The following MSRB3 variants were observed in gnomAD, a reference collection of about 807,000 sequenced individuals.
MSRB3 encodes the protein methionine-R-sulfoxide reductase B3.
Under a neutral mutation model 21.0 loss-of-function variants are expected in MSRB3, and 13 were observed. The ratio of observed to expected loss-of-function variants is 0.62; its 90% CI spans 0.40 to 0.98. The LOEUF (loss-of-function observed/expected upper bound fraction) is 0.98. Among genes scored for constraint, MSRB3 ranks in the 50% least tolerant of loss-of-function variants. The probability of loss-of-function intolerance (pLI) is 0.00; values close to 1 mark genes in which losing one functional copy is unlikely to be tolerated. For synonymous variants in MSRB3, 87 were observed against 88.6 expected, an observed-to-expected ratio of 0.98 and a Z score of 0.10; for missense variants, 199 against 230.3, an observed-to-expected ratio of 0.86 and a Z score of 0.88.
chr12:65,326,999 G>A, intron 3 of MSRB3, 65 bp downstream of exon 3: 1 of 1,142,568 alleles, frequency 8.8e-7, no homozygotes, highest in Non-Finnish European at 1.3e-6. Context: ...CCTCTGCAGT[G>A]CTTTTCCTTG....
chr12:65,436,803 C>T (rs1882138396), intron 5 of MSRB3, among the ~76,000 whole-genome samples: 2 of 151,888 alleles, frequency 1.3e-5, no homozygotes, highest in Admixed American at 6.6e-5. Flanking sequence ...TGTCAACTCT[C>T]TGAGCTGCCA....
chr12:65,303,937 G>A (rs1222454381), intron 1 of MSRB3, among the ~76,000 whole-genome samples: 1 of 152,156 alleles, frequency 6.6e-6, no homozygotes. Context: ...TAGTATGGCA[G>A]GAGTGTGGGG....
intron 5 of MSRB3, among the ~76,000 whole-genome samples, chr12:65,427,699 A>G (rs1053598638): frequency 6.6e-6 from 1 of 152,144 alleles, no homozygotes; most frequent in African/African-American, 2.4e-5. Flanking sequence ...TCTCACTGCC[A>G]CACTGATAAC....
At chr12:65,358,249 C>T (rs1432364786) in intron 4 of MSRB3, among the ~76,000 whole-genome samples, 1 of 151,838 alleles carries the variant, frequency 6.6e-6, no homozygotes, top group African/African-American at 2.4e-5. Flanking sequence ...CCCCGAGTAC[C>T]TGGAACTACA....
chr12:65,463,398 G>A lies in MSRB3; in HGVS notation c.*76G>A. 6.6e-7 allele frequency: 1 copy of A among 1,525,162 alleles called. No individual in the cohort carries two copies. Among genetic ancestry groups the A allele is most frequent in the Non-Finnish European group, 8.9e-7 (1 of 1,125,656 alleles). The allele number at this position is 1,525,162 out of a possible 1,614,324, so 94.5% of individuals were successfully genotyped here. A position where few individuals can be genotyped will look rare whatever the true frequency, so the allele number is the denominator to read the frequency against. Reference sequence around the variant, plus strand: ...AAAAATCAAAATTGTTATCTTAATAGATATATTTTTTCAAAAACTATAAGG... The same window carrying A: ...AAAAATCAAAATTGTTATCTTAATAAATATATTTTTTCAAAAACTATAAGG... On this transcript the variant is annotated 3_prime_UTR_variant, in exon 7 of 7. Transcript: ENST00000308259.
At chr12:65,282,995 G>A (rs548740771) in intron 1 of MSRB3, among the ~76,000 whole-genome samples, 47 of 152,260 alleles carry the variant, frequency 3.1e-4, no homozygotes, top group African/African-American at 1.1e-3. Context: ...AATTCACTCT[G>A]CAAATAATCA....
At chr12:65,443,696 G>A (rs1426774174) in intron 5 of MSRB3, among the ~76,000 whole-genome samples, 1 of 151,476 alleles carries the variant, frequency 6.6e-6, no homozygotes, top group Non-Finnish European at 1.5e-5. Flanking sequence ...TTTTTATTGT[G>A]GTGAAATACA....
chr12:65,378,435 AGTTGCAG>A (rs1372108046), intron 5 of MSRB3, among the ~76,000 whole-genome samples: 1 of 152,220 alleles, frequency 6.6e-6, no homozygotes. Flanking sequence ...GGCACATGCT[AGTTGCAG>A]GTTGGGTCCA....
intron 4 of MSRB3, among the ~76,000 whole-genome samples, chr12:65,364,373 A>AT (rs1877886400): frequency 6.6e-6 from 1 of 152,182 alleles, no homozygotes; most frequent in South Asian, 2.1e-4. Context: ...AGGCAGTAAC[A>AT]TTCTGTGCTA....
intron 4 of MSRB3, among the ~76,000 whole-genome samples, chr12:65,335,027 C>G (rs1875669829): frequency 6.6e-6 from 1 of 152,212 alleles, no homozygotes; most frequent in South Asian, 2.1e-4. Flanking sequence ...TCATCTTTAT[C>G]AAACAATCAG....
chr12:65,330,798 C>A (rs999216890), intron 4 of MSRB3, among the ~76,000 whole-genome samples: 3 of 152,168 alleles, frequency 2.0e-5, no homozygotes, highest in African/African-American at 7.2e-5. Context: ...TGGCAAGGCT[C>A]CTGGCACAGC....
At chr12:65,342,730 A>G (rs1876227052) in intron 4 of MSRB3, among the ~76,000 whole-genome samples, 1 of 152,010 alleles carries the variant, frequency 6.6e-6, no homozygotes, top group Non-Finnish European at 1.5e-5. Context: ...CCAAAATAGG[A>G]GTCTATGTAA....
intron 5 of MSRB3, among the ~76,000 whole-genome samples, chr12:65,378,779 T>G (rs1364308228): frequency 6.6e-6 from 1 of 152,232 alleles, no homozygotes. Context: ...CAGAATGCTA[T>G]GTATTTCTTT....
At chr12:65,387,892 C>T (rs1363718251) in intron 5 of MSRB3, among the ~76,000 whole-genome samples, 1 of 151,806 alleles carries the variant, frequency 6.6e-6, no homozygotes, top group Non-Finnish European at 1.5e-5. Flanking sequence ...GTATGTCAGT[C>T]TTTTCTTTCT....
chr12:65,379,931 G>A (rs1398550426), intron 5 of MSRB3, among the ~76,000 whole-genome samples: 1 of 152,178 alleles, frequency 6.6e-6, no homozygotes, highest in Non-Finnish European at 1.5e-5. Context: ...TTTAAGACAT[G>A]GCGAAGGACA....
chr12:65,419,854 C>A, intron 5 of MSRB3: 1 of 702,494 alleles, frequency 1.4e-6, no homozygotes. Context: ...CCCAAGCAGC[C>A]CCGGAAGCTG....
At chr12:65,453,878 G>A (rs558604792) in intron 6 of MSRB3, 53 bp downstream of exon 6, 2 of 1,463,014 alleles carry the variant, frequency 1.4e-6, no homozygotes, top group East Asian at 2.3e-5. Context: ...ACTCCTGGTT[G>A]TGCTAAATAT....
intron 2 of MSRB3, among the ~76,000 whole-genome samples, chr12:65,318,415 G>C: frequency 6.6e-6 from 1 of 152,110 alleles, no homozygotes; most frequent in South Asian, 2.1e-4. Context: ...GCTCCCAAGG[G>C]GAGAAGGAGG....
At chr12:65,377,747 G>A (rs1878711021) in intron 5 of MSRB3, among the ~76,000 whole-genome samples, 1 of 152,214 alleles carries the variant, frequency 6.6e-6, no homozygotes, top group South Asian at 2.1e-4. Flanking sequence ...TTGCTGCTGG[G>A]AAGTGGCTAC....
Sources: allele counts gnomAD v4.1 joint callset (sites outside exome capture counted in the v4.1 genomes callset), GRCh38; gene constraint gnomAD v4.1.1; transcripts MANE v1.5; gene names NCBI Gene and HGNC (gene_info 2026-07-23, HGNC 2026-07-21).